The following PADI2 variants were observed in gnomAD, a reference collection of about 807,000 sequenced individuals.
The protein encoded by PADI2 is protein-arginine deiminase type-2.
In PADI2, 70 loss-of-function variants were observed where a neutral mutation model predicts 81.1. The observed-to-expected ratio is 0.86, with a 90% CI of 0.71 to 1.05. The LOEUF (loss-of-function observed/expected upper bound fraction) is 1.05, where lower values mean the gene tolerates loss of function less well. Ranked by LOEUF, PADI2 falls within the 50% of genes least tolerant of loss-of-function variation. PADI2 has a pLI of 0.00. For synonymous variants in PADI2, 338 were observed against 358.0 expected, an observed-to-expected ratio of 0.94 and a Z score of 0.63; for missense variants, 853 against 889.9, an observed-to-expected ratio of 0.96 and a Z score of 0.53.
intron 1 of PADI2, among the ~76,000 whole-genome samples, chr1:17,111,081 C>A (rs974569049): frequency 9.6e-5 from 13 of 135,288 alleles, no homozygotes; most frequent in Non-Finnish European, 1.6e-4. Flanking sequence ...AAAAGACAGA[C>A]CTTTTTTTTT....
chr1:17,119,242 C>T lies in PADI2; in HGVS notation c.92+38G>A. 1 of 1,399,990 alleles carries T rather than the reference C, an allele frequency of 7.1e-7. No homozygotes were observed. The allele number at this position is 1,399,990 out of a possible 1,614,324, so 86.7% of individuals were successfully genotyped here. On this transcript the variant is annotated intron_variant, in intron 1 of 15. Coordinates refer to ENST00000375486, the MANE Select transcript of PADI2 (RefSeq NM_007365.3). This position sits in a 1 kb window ranked among gnomAD's most constrained non-coding sequence, Gnocchi z 4.8. Reference sequence around the variant, plus strand: ...GAGCGCGTCTCAGGATTTCTGGGCTCGAGATCTCGGCCCGGGCATCACGGT... The same window carrying T: ...GAGCGCGTCTCAGGATTTCTGGGCTTGAGATCTCGGCCCGGGCATCACGGT...
Position 17,093,576 on chromosome 1 carries a change from T to C in PADI2, c.520A>G (p.Ser174Gly). 1 of 1,606,508 alleles carries C rather than the reference T, an allele frequency of 6.2e-7. No individual in the cohort carries two copies. The highest frequency in any genetic ancestry group is 8.5e-7 in the Non-Finnish European group (1 of 1,173,152). ...KEDCRDEKVY[S>G]KEDLKDMSQM... ...CAGGGCCTGCTGGCACCTTCCTTGC[T>C]GTAGACCTTCTCATCACGGCAGTCC... is the stretch of plus-strand genomic sequence containing the variant. Residue 174 changes from serine to glycine, a missense_variant, in exon 5 of 16, where the codon AGC becomes GGC. Physicochemically the swap from Ser to Gly is moderately conservative, Grantham distance 56. Transcript: ENST00000375486.
At chr1:17,079,755 TC>T (rs1433878749) in intron 10 of PADI2, among the ~76,000 whole-genome samples, 1 of 151,846 alleles carries the variant, frequency 6.6e-6, no homozygotes, top group Non-Finnish European at 1.5e-5. Flanking sequence ...TCAGAATTAG[TC>T]CGCATTTTAT....
intron 13 of PADI2, among the ~76,000 whole-genome samples, chr1:17,074,372 A>T (rs1325997350): frequency 2.0e-5 from 3 of 146,916 alleles, no homozygotes; most frequent in African/African-American, 7.7e-5. Context: ...AGCCTGGGCA[A>T]TAAGAGCGAA....
chr1:17,076,309 G>A (rs2078302588), intron 11 of PADI2, among the ~76,000 whole-genome samples: 2 of 152,012 alleles, frequency 1.3e-5, no homozygotes, highest in South Asian at 2.1e-4. Context: ...CTGCCTCCCG[G>A]GTTCAAGCAA....
rs781590089 is a variant in PADI2, at chr1:17,070,082, C to T, written c.1764+6G>A. 4 of 1,613,350 alleles carry T rather than the reference C, an allele frequency of 2.5e-6. No homozygotes were observed. Among genetic ancestry groups the T allele is most frequent in the African/African-American group, 1.3e-5 (1 of 75,032 alleles). ...GGGGCGAGGGTTGGGGTCTGCAGGG[C>T]CTCACCATGTTTGGGAAGAAGGCTC... On this transcript the variant is annotated splice_donor_region_variant and intron_variant, in intron 15 of 15. Transcript: ENST00000375486.
chr1:17,099,429 A>G (rs1055292750), intron 3 of PADI2, among the ~76,000 whole-genome samples: 37 of 152,240 alleles, frequency 2.4e-4, no homozygotes, highest in African/African-American at 8.4e-4. Context: ...CATCCCTCCC[A>G]AAAAATGGAA....
intron 6 of PADI2, among the ~76,000 whole-genome samples, chr1:17,090,390 TC>T (rs779008560): frequency 5.9e-5 from 9 of 152,204 alleles, no homozygotes; most frequent in Non-Finnish European, 1.2e-4. Context: ...GCTCCCTGAC[TC>T]CAGCACTCCC....
intron 1 of PADI2, among the ~76,000 whole-genome samples, chr1:17,110,803 C>T (rs930123680): frequency 1.3e-5 from 2 of 152,260 alleles, no homozygotes; most frequent in Admixed American, 1.3e-4. Context: ...TTTGCCCCCA[C>T]AGTTACTGGC....
chr1:17,088,713 A>G (rs1046373094), intron 6 of PADI2, among the ~76,000 whole-genome samples: 15 of 151,910 alleles, frequency 9.9e-5, no homozygotes, highest in African/African-American at 3.6e-4. Context: ...TTGAGACAAG[A>G]CTGGCCAACA....
chr1:17,074,741 C>T, intron 13 of PADI2, 115 bp downstream of exon 13: 1 of 629,862 alleles, frequency 1.6e-6, no homozygotes, highest in Non-Finnish European at 2.8e-6. Context: ...GGCCAGACAC[C>T]CAGGGAAGTG....
At chr1:17,078,654 C>T (rs1376433667) in intron 11 of PADI2, among the ~76,000 whole-genome samples, 1 of 151,872 alleles carries the variant, frequency 6.6e-6, no homozygotes, top group East Asian at 1.9e-4. Context: ...TCCCAAAGTG[C>T]TGGGACTATA....
At chr1:17,083,869 G>A (rs1883913) in intron 8 of PADI2, 32 bp from the exon 9 acceptor site, 735,667 of 1,325,990 alleles carry the variant, frequency 0.55, 207,319 homozygotes, top group Non-Finnish European at 0.59. Flanking sequence ...GAGAGGCCAG[G>A]AGAAAGGGTG....
rs199700044 is a variant in PADI2, at chr1:17,086,619, C to T, written c.736G>A (p.Ala246Thr). ...YHVVKYTGGS[A>T]ELLFFVEGLC... ...CCTTCCACGAAGAACAGCAGCTCCG[C>T]GGAGCCACCCGTGTACTTGACCACA... The change falls in exon 7 of 16, where the codon GCG becomes ACG. Residue 246 changes from alanine to threonine, a missense_variant. By Grantham distance (58) the Ala-to-Thr change is moderately conservative (BLOSUM62 0). Transcript: ENST00000375486. The T allele has an allele frequency of 6.2e-5, 100 of 1,614,060 alleles. No homozygotes were observed. Among genetic ancestry groups the T allele is most frequent in the Admixed American group, 5.8e-4 (35 of 60,024 alleles).
intron 1 of PADI2, among the ~76,000 whole-genome samples, chr1:17,113,251 CTATTAT>C (rs67222510): frequency 0.12 from 17,958 of 148,272 alleles, 1,318 homozygotes; most frequent in Middle Eastern, 0.23. Context: ...TGAGTATTTA[CTATTAT>C]TATTATTATT....
At chr1:17,104,073 G>A (rs149296148) in intron 2 of PADI2, among the ~76,000 whole-genome samples, 2,990 of 151,330 alleles carry the variant, frequency 0.02, 40 homozygotes, top group Admixed American at 0.027. Context: ...ACAAGGTCAG[G>A]AGATCGACAG....
intron 1 of PADI2, among the ~76,000 whole-genome samples, chr1:17,112,739 T>C (rs1015884586): frequency 3.3e-5 from 5 of 152,214 alleles, no homozygotes; most frequent in African/African-American, 1.2e-4. Flanking sequence ...CACCACCTGG[T>C]GCATCCAGCT....
At position 17,095,641 on chromosome 1, in the gene PADI2, C is replaced by T. The variant is rs144057996; in HGVS notation, c.411+268G>A. On this transcript the variant is annotated intron_variant, in intron 4 of 15. Transcript: ENST00000375486. ...TGCCTTCACAGTGCTTCCTCTGTAG[C>T]GGGCACATTTATCCTTCCCAGCAGT... Among the ~76,000 whole-genome samples the T allele has an allele frequency of 5.3e-3, 814 of 152,278 alleles. 5 individuals carry two copies. The highest frequency in any genetic ancestry group is 8.1e-3 in the Non-Finnish European group (550 of 68,024).
chr1:17,085,727 C>T (rs77519867), intron 7 of PADI2, among the ~76,000 whole-genome samples: 1,589 of 152,312 alleles, frequency 0.01, 28 homozygotes, highest in African/African-American at 0.037. Context: ...TGCCAGGGCT[C>T]ATTCTCATAC....
Sources: gnomAD v4.1 joint callset for allele counts (sites outside exome capture counted in the v4.1 genomes callset) on GRCh38, gnomAD v4.1.1 for gene constraint, Gnocchi (gnomAD v3.1) non-coding constraint, MANE v1.5 for transcripts, NCBI Gene and HGNC (gene_info 2026-07-23, HGNC 2026-07-21) for gene names.